Variants in ADAMTS12 observed in about 807,000 individuals in gnomAD.
The protein encoded by ADAMTS12 is A disintegrin and metalloproteinase with thrombospondin motifs 12.
In ADAMTS12, 118 loss-of-function variants were observed where a neutral mutation model predicts 167.8. That is an observed-to-expected ratio of 0.70 (90% CI 0.61 to 0.82). The LOEUF (loss-of-function observed/expected upper bound fraction) is 0.82, where lower values mean the gene tolerates loss of function less well. Ranked by LOEUF, ADAMTS12 falls within the 40% of genes least tolerant of loss-of-function variation. The pLI is 0.00. For synonymous variants in ADAMTS12, 704 were observed against 716.9 expected, an observed-to-expected ratio of 0.98 and a Z score of 0.29; for missense variants, 1,916 against 1,998.8, an observed-to-expected ratio of 0.96 and a Z score of 0.79.
chr5:33,609,797 T>G (rs1034728736), intron 16 of ADAMTS12, among the ~76,000 whole-genome samples: 1 of 152,164 alleles, frequency 6.6e-6, no homozygotes, highest in African/African-American at 2.4e-5. Flanking sequence ...AAATAAAACA[T>G]TTAACAGTTC....
intron 2 of ADAMTS12, among the ~76,000 whole-genome samples, chr5:33,824,943 G>A (rs546547493): frequency 2.0e-4 from 30 of 152,222 alleles, no homozygotes; most frequent in African/African-American, 7.2e-4. Flanking sequence ...GAAGGAGTTT[G>A]GATTCCTGAG....
chr5:33,848,421 G>C (rs878877881), intron 2 of ADAMTS12, among the ~76,000 whole-genome samples: 2 of 152,132 alleles, frequency 1.3e-5, no homozygotes, highest in Non-Finnish European at 2.9e-5. Flanking sequence ...AGAAGCTTCT[G>C]TGAATGTGAA....
intron 11 of ADAMTS12, among the ~76,000 whole-genome samples, chr5:33,639,656 G>A (rs1409579473): frequency 2.0e-5 from 3 of 152,272 alleles, no homozygotes; most frequent in South Asian, 2.1e-4. Flanking sequence ...TTGAATCGTC[G>A]TCTTCCTTGA....
At chr5:33,568,631 G>GA (rs1279592194) in intron 19 of ADAMTS12, among the ~76,000 whole-genome samples, 1 of 152,174 alleles carries the variant, frequency 6.6e-6, no homozygotes, top group East Asian at 1.9e-4. Context: ...CCACGAAAAG[G>GA]AAAAAATAAG....
chr5:33,609,985 G>A (rs549824191), intron 16 of ADAMTS12, among the ~76,000 whole-genome samples: 8 of 151,852 alleles, frequency 5.3e-5, no homozygotes, highest in South Asian at 2.1e-4. Flanking sequence ...CTCGAGACCC[G>A]CCTGACCAAC....
intron 3 of ADAMTS12, among the ~76,000 whole-genome samples, chr5:33,723,369 TC>T (rs967818526): frequency 2.6e-5 from 4 of 152,290 alleles, no homozygotes; most frequent in Non-Finnish European, 5.9e-5. Flanking sequence ...ACCTCAGTCA[TC>T]CTTTTGACCC....
intron 1 of ADAMTS12, among the ~76,000 whole-genome samples, chr5:33,891,350 G>A (rs534428821): frequency 1.4e-4 from 21 of 151,968 alleles, no homozygotes; most frequent in African/African-American, 5.1e-4. Context: ...ATGACGGCCA[G>A]TAGCCAGTTA....
chr5:33,591,931 G>C (rs1169068812), intron 17 of ADAMTS12, among the ~76,000 whole-genome samples: 1 of 152,012 alleles, frequency 6.6e-6, no homozygotes, highest in Non-Finnish European at 1.5e-5. Flanking sequence ...AAACTATCCA[G>C]CCCAGTAAGC....
At chr5:33,740,291 G>T (rs541520964) in intron 3 of ADAMTS12, among the ~76,000 whole-genome samples, 2 of 152,268 alleles carry the variant, frequency 1.3e-5, no homozygotes, top group African/African-American at 2.4e-5. Flanking sequence ...GCAGTCTCAG[G>T]TATATCATTA....
chr5:33,885,410 G>C (rs2113110), intron 1 of ADAMTS12, among the ~76,000 whole-genome samples: 1 of 151,966 alleles, frequency 6.6e-6, no homozygotes, highest in Non-Finnish European at 1.5e-5. Flanking sequence ...CCGAGTTTAC[G>C]GTGAGCCGAG....
chr5:33,660,295 T>TA (rs774859568), intron 6 of ADAMTS12, among the ~76,000 whole-genome samples: 9 of 152,204 alleles, frequency 5.9e-5, no homozygotes, highest in Admixed American at 4.6e-4. Flanking sequence ...TACCTGGACT[T>TA]AAGTCCCAAT....
Position 33,751,394 on chromosome 5 carries a change from G to GT in ADAMTS12, c.634+9dup, listed in dbSNP as rs1744971803. The GT allele has an allele frequency of 6.2e-7, 1 of 1,613,998 alleles. No individual in the cohort carries two copies. The highest frequency in any genetic ancestry group is 8.5e-7 in the Non-Finnish European group (1 of 1,180,016). ...TTCTTCAACCCAGGAGGACATGTGA[G>GT]TCACAATACCCTTTAATCCACAGGT... On this transcript the variant is annotated intron_variant, in intron 3 of 23. Coordinates refer to ENST00000504830, the MANE Select transcript of ADAMTS12 (RefSeq NM_030955.4).
At chr5:33,649,302 A>T (rs1463390698) in intron 8 of ADAMTS12, among the ~76,000 whole-genome samples, 1 of 152,144 alleles carries the variant, frequency 6.6e-6, no homozygotes, top group Non-Finnish European at 1.5e-5. Context: ...GCTCATAGAA[A>T]GCTATTTTGG....
chr5:33,588,790 C>T lies in ADAMTS12; in HGVS notation c.2674G>A (p.Glu892Lys). 1 of 1,613,566 alleles carries T rather than the reference C, an allele frequency of 6.2e-7. No homozygotes were observed. Among genetic ancestry groups the T allele is most frequent in the South Asian group, 1.1e-5 (1 of 91,058 alleles). ...CPPRWWAGEW[E>K]ACSATCGPHG... ...GGCCCGCATGTCGCCGAGCATGCTT[C>T]CCACTCCCCTGCCCACCACCTGCAG... Residue 892 changes from glutamate (E) to lysine (K), a missense_variant, in exon 18 of 24, where the codon GAA becomes AAA. Transcript: ENST00000504830.
At chr5:33,628,374 T>C (rs921042095) in intron 13 of ADAMTS12, among the ~76,000 whole-genome samples, 2 of 152,094 alleles carry the variant, frequency 1.3e-5, no homozygotes, top group African/African-American at 4.8e-5. Flanking sequence ...GAAGGTGTCC[T>C]GAAAAGTCAA....
chr5:33,644,137 A>T (rs1006084480), intron 9 of ADAMTS12, among the ~76,000 whole-genome samples: 3 of 152,146 alleles, frequency 2.0e-5, no homozygotes, highest in African/African-American at 7.2e-5. Flanking sequence ...TCTACACTGC[A>T]TGTGTTTTTT....
rs1354680381 is a variant in ADAMTS12 at position 33,624,309 on chromosome 5, C to T, written c.2065G>A (p.Asp689Asn). 6.2e-7 allele frequency: 1 copy of T among 1,614,094 alleles called. No individual in the cohort carries two copies. Among genetic ancestry groups the T allele is most frequent in the Admixed American group, 1.7e-5 (1 of 60,030 alleles). ...DYEIDSNATE[D>N]RCGVCLGDGS... ...TCTCCCAGGCACACACCGCAGCGAT[C>T]CTCGGTGGCATTGGAATCGATCTCA... The change falls in exon 14 of 24, where the codon GAT (aspartate) becomes AAT (asparagine). Residue 689 changes from aspartate (D) to asparagine (N), a missense_variant. Transcript: ENST00000504830.
intron 3 of ADAMTS12, among the ~76,000 whole-genome samples, chr5:33,734,285 G>C (rs1289415640): frequency 8.5e-5 from 13 of 152,114 alleles, no homozygotes; most frequent in Non-Finnish European, 1.0e-4. Context: ...TGGTTCTTTG[G>C]AACAAAAGCT....
At chr5:33,532,490 G>A (rs1049055885) in intron 23 of ADAMTS12, among the ~76,000 whole-genome samples, 6 of 135,586 alleles carry the variant, frequency 4.4e-5, no homozygotes, top group African/African-American at 1.1e-4. Context: ...TTTTTTTTTG[G>A]CCTTTTCTAC....
Sources: gnomAD v4.1 joint callset for allele counts (sites outside exome capture counted in the v4.1 genomes callset) on GRCh38, gnomAD v4.1.1 for gene constraint, MANE v1.5 for transcripts, NCBI Gene and HGNC (gene_info 2026-07-23, HGNC 2026-07-21) for gene names.